TTBK2: variants seen among roughly 807,000 people sequenced by gnomAD.
The protein encoded by TTBK2 is tau-tubulin kinase 2.
In TTBK2, 28 loss-of-function variants were observed where a neutral mutation model predicts 110.8. The ratio of observed to expected loss-of-function variants is 0.25; its 90% CI spans 0.19 to 0.35. TTBK2 has a LOEUF of 0.35. Ranked by LOEUF, TTBK2 falls within the 10% of genes least tolerant of loss-of-function variation. The pLI, the probability that TTBK2 is intolerant of heterozygous loss-of-function variation, is 1.00. For missense variants in TTBK2, 1,369 were observed against 1,500.3 expected (o/e 0.91, Z 1.45); for synonymous variants, 532 against 527.3 (o/e 1.01, Z -0.12).
chr15:42,756,884 A>G (rs1369166051), intron 13 of TTBK2, among the ~76,000 whole-genome samples: 1 of 152,030 alleles, frequency 6.6e-6, no homozygotes, highest in Non-Finnish European at 1.5e-5. Flanking sequence ...CAAAAACAAA[A>G]ACAAAAACAA....
At chr15:42,899,595 C>A (rs1435022874) in intron 1 of TTBK2, among the ~76,000 whole-genome samples, 1 of 152,074 alleles carries the variant, frequency 6.6e-6, no homozygotes, top group Non-Finnish European at 1.5e-5. Flanking sequence ...AAGAAATTAG[C>A]CGGGCGTGGT....
chr15:42,824,942 T>A (rs1010192756), intron 6 of TTBK2, among the ~76,000 whole-genome samples: 2 of 151,648 alleles, frequency 1.3e-5, no homozygotes, highest in Admixed American at 1.3e-4. Flanking sequence ...ATAATAATAA[T>A]AAAATAATAA....
At chr15:42,794,117 G>T (rs1367373602) in intron 10 of TTBK2, among the ~76,000 whole-genome samples, 9 of 127,084 alleles carry the variant, frequency 7.1e-5, no homozygotes, top group Non-Finnish European at 1.4e-4. Context: ...AAAAAAAAAA[G>T]ACAAATAAAA....
At chr15:42,788,822 C>G (rs898535301) in intron 10 of TTBK2, among the ~76,000 whole-genome samples, 1 of 152,102 alleles carries the variant, frequency 6.6e-6, no homozygotes, top group East Asian at 1.9e-4. Context: ...AAATGTTTTC[C>G]TTTTAATAGG....
At chr15:42,859,920 A>G (rs1894088011) in intron 3 of TTBK2, among the ~76,000 whole-genome samples, 1 of 152,138 alleles carries the variant, frequency 6.6e-6, no homozygotes, top group Admixed American at 6.5e-5. Flanking sequence ...AAGATCAAGA[A>G]CACTGTAACA....
Position 42,920,558 on chromosome 15 carries a change from G to T in TTBK2, c.-188C>A. On this transcript the variant is annotated 5_prime_UTR_variant, in exon 1 of 15. Transcript: ENST00000267890. The stretch of plus-strand genomic sequence containing the variant: ...CACTGCCTGCCCATCCCCCACCGCC[G>T]ACTGCGGCGGGACCCGAGCGCGGCT... 1 of 153,590 alleles carries T rather than the reference G, an allele frequency of 6.5e-6. No individual in the cohort carries two copies. The highest frequency in any genetic ancestry group is 1.8e-4 in the South Asian group (1 of 5,570). The allele number at this position is 153,590 out of a possible 1,614,324, so 9.5% of individuals were successfully genotyped here.
chr15:42,817,679 C>T (rs560865810), intron 6 of TTBK2, among the ~76,000 whole-genome samples: 1 of 152,306 alleles, frequency 6.6e-6, no homozygotes, highest in Non-Finnish European at 1.5e-5. Context: ...GATCCTAGTC[C>T]TCAGAGAACT....
chr15:42,781,564 A>G (rs1890179362), intron 11 of TTBK2, among the ~76,000 whole-genome samples: 4 of 151,952 alleles, frequency 2.6e-5, no homozygotes, highest in Admixed American at 2.6e-4. Flanking sequence ...CAACATTTTG[A>G]TATGTTGTGG....
chr15:42,846,187 T>C (rs1893456926), intron 3 of TTBK2, among the ~76,000 whole-genome samples: 1 of 151,818 alleles, frequency 6.6e-6, no homozygotes, highest in Non-Finnish European at 1.5e-5. Flanking sequence ...TAATTTTTTT[T>C]CTTTTTTCTT....
At chr15:42,793,812 G>A (rs372894070) in intron 10 of TTBK2, among the ~76,000 whole-genome samples, 4 of 151,734 alleles carry the variant, frequency 2.6e-5, no homozygotes, top group South Asian at 4.2e-4. Context: ...ACTCCAGCCT[G>A]GGCAACAAGA....
intron 10 of TTBK2, among the ~76,000 whole-genome samples, chr15:42,793,331 T>C (rs576461805): frequency 9.5e-4 from 145 of 152,344 alleles, no homozygotes; most frequent in Non-Finnish European, 1.6e-3. Context: ...TATCCAGTTA[T>C]GTGAGTCTAT....
intron 1 of TTBK2, among the ~76,000 whole-genome samples, chr15:42,894,472 A>G (rs146612052): frequency 1.1e-4 from 17 of 152,294 alleles, no homozygotes; most frequent in South Asian, 4.1e-4. Context: ...TAGTCAAAGG[A>G]TGGGCATTGT....
At chr15:42,765,659 G>A (rs1488394972) in intron 13 of TTBK2, among the ~76,000 whole-genome samples, 1 of 152,210 alleles carries the variant, frequency 6.6e-6, no homozygotes, top group East Asian at 1.9e-4. Flanking sequence ...ACCTGAAAGT[G>A]ATGGGGAGAA....
At chr15:42,767,799 G>A (rs1489372726) in intron 13 of TTBK2, among the ~76,000 whole-genome samples, 1 of 152,088 alleles carries the variant, frequency 6.6e-6, no homozygotes, top group African/African-American at 2.4e-5. Context: ...GCCTGACAGA[G>A]ACACAACAAA....
intron 1 of TTBK2, among the ~76,000 whole-genome samples, chr15:42,885,873 G>C (rs114659791): frequency 6.6e-6 from 1 of 152,022 alleles, no homozygotes; most frequent in Non-Finnish European, 1.5e-5. Context: ...AAATCTAAGC[G>C]TTTTATTTCC....
chr15:42,867,060 C>A (rs1380232069), intron 3 of TTBK2, among the ~76,000 whole-genome samples: 1 of 151,666 alleles, frequency 6.6e-6, no homozygotes, highest in Non-Finnish European at 1.5e-5. Flanking sequence ...CTGGCTAACA[C>A]GGTGAAACCC....
At chr15:42,919,685 A>G (rs1018599737) in intron 1 of TTBK2, 7 of 414,110 alleles carry the variant, frequency 1.7e-5, no homozygotes, top group African/African-American at 2.2e-5. Flanking sequence ...GATGAGAGAG[A>G]AGAGTTAATA....
intron 13 of TTBK2, among the ~76,000 whole-genome samples, chr15:42,771,052 C>T (rs1336834286): frequency 6.6e-6 from 1 of 151,796 alleles, no homozygotes; most frequent in African/African-American, 2.4e-5. Flanking sequence ...CGGCTCACTG[C>T]AACCTCCGGC....
chr15:42,776,563 A>G (rs1033279486), intron 12 of TTBK2, among the ~76,000 whole-genome samples: 3 of 152,178 alleles, frequency 2.0e-5, no homozygotes, highest in African/African-American at 7.2e-5. Context: ...TTCCCACAGT[A>G]TCTTACTCCT....
Sources: allele counts gnomAD v4.1 joint callset (sites outside exome capture counted in the v4.1 genomes callset), GRCh38; gene constraint gnomAD v4.1.1; transcripts MANE v1.5; gene names NCBI Gene and HGNC (gene_info 2026-07-23, HGNC 2026-07-21).